Variants in WDPCP observed in about 807,000 individuals in gnomAD.
WDPCP encodes the protein WD repeat-containing and planar cell polarity effector protein fritz homolog.
A neutral mutation model predicts 93.1 loss-of-function variants in WDPCP; 71 were observed. That is an observed-to-expected ratio of 0.76 (90% CI 0.63 to 0.93). The LOEUF (loss-of-function observed/expected upper bound fraction) is 0.93, where lower values mean the gene tolerates loss of function less well. Ranked by LOEUF, WDPCP falls within the 40% of genes least tolerant of loss-of-function variation. The probability of loss-of-function intolerance (pLI) is 0.00; values close to 1 mark genes in which losing one functional copy is unlikely to be tolerated. For missense variants in WDPCP, 844 were observed against 887.4 expected, an observed-to-expected ratio of 0.95 and a Z score of 0.62; for synonymous variants, 315 against 315.0, an observed-to-expected ratio of 1.00 and a Z score of 0.00.
chr2:63,511,304 G>T (rs535322586), intron 1 of WDPCP, among the ~76,000 whole-genome samples: 2 of 152,282 alleles, frequency 1.3e-5, no homozygotes, highest in African/African-American at 4.8e-5. Flanking sequence ...TCAATATCAT[G>T]AAAATGGCCA....
chr2:63,811,388 A>G (rs935635946), intron 2 of WDPCP, among the ~76,000 whole-genome samples: 2 of 152,196 alleles, frequency 1.3e-5, no homozygotes, highest in Non-Finnish European at 2.9e-5. Context: ...TAAGCAGCCA[A>G]GTTGGAAAAG....
intron 12 of WDPCP, among the ~76,000 whole-genome samples, chr2:63,317,970 A>G (rs1559316259): frequency 6.6e-6 from 1 of 152,212 alleles, no homozygotes; most frequent in South Asian, 2.1e-4. Context: ...CTATCAAAAA[A>G]GTAAACAGAG....
chr2:63,723,880 T>G (rs1249739503), intron 2 of WDPCP, among the ~76,000 whole-genome samples: 1 of 152,214 alleles, frequency 6.6e-6, no homozygotes, highest in Non-Finnish European at 1.5e-5. Flanking sequence ...TTCTGATAAA[T>G]TTGTGTGGTA....
chr2:63,274,345 G>A (rs1040050721), intron 13 of WDPCP, among the ~76,000 whole-genome samples: 1 of 152,142 alleles, frequency 6.6e-6, no homozygotes, highest in Non-Finnish European at 1.5e-5. Context: ...AGCCAAAGCA[G>A]TGCTAAGAAG....
intron 1 of WDPCP, among the ~76,000 whole-genome samples, chr2:63,535,747 A>T (rs543337103): frequency 3.3e-5 from 5 of 152,332 alleles, no homozygotes; most frequent in Admixed American, 2.0e-4. Flanking sequence ...TAGACCTAAA[A>T]CCATAAAAGC....
chr2:63,361,588 G>T (rs1185933220), intron 12 of WDPCP, among the ~76,000 whole-genome samples: 2 of 152,190 alleles, frequency 1.3e-5, no homozygotes, highest in Non-Finnish European at 2.9e-5. Context: ...GTTAAGTCTA[G>T]TGCCATCTAA....
intron 2 of WDPCP, among the ~76,000 whole-genome samples, chr2:63,696,819 T>A (rs1668966926): frequency 6.6e-6 from 1 of 152,248 alleles, no homozygotes; most frequent in African/African-American, 2.4e-5. Context: ...AAAGTCTGAA[T>A]GGTTTCTCAG....
At chr2:63,546,419 A>G (rs937560265) in intron 1 of WDPCP, among the ~76,000 whole-genome samples, 5 of 152,188 alleles carry the variant, frequency 3.3e-5, no homozygotes, top group Non-Finnish European at 7.3e-5. Flanking sequence ...AATTCTCAAC[A>G]TAAAAGGGAA....
At chr2:63,206,232 T>C (rs1676325259) in intron 14 of WDPCP, among the ~76,000 whole-genome samples, 1 of 152,164 alleles carries the variant, frequency 6.6e-6, no homozygotes, top group Admixed American at 6.5e-5. Context: ...TGCTAGTATT[T>C]TGTTGAGGAT....
At position 63,481,941 on chromosome 2, in the gene WDPCP, T is replaced by C. The variant is rs528482518; in HGVS notation, c.384+2663A>G. 4.0e-5 allele frequency among the ~76,000 whole-genome samples: 6 copies of C among 151,274 alleles called. No homozygotes were observed. The South Asian group carries it at 1.3e-3, about 32-fold the overall frequency. On this transcript the variant is annotated intron_variant, in intron 6 of 17. Coordinates refer to ENST00000272321, the MANE Select transcript of WDPCP (RefSeq NM_015910.7). Reference sequence around the variant, plus strand: ...AAATAAAAACAGGAGAAAAAATAAGTAAACATCCTGAAAAATAAAATAAAC... The same window carrying C: ...AAATAAAAACAGGAGAAAAAATAAGCAAACATCCTGAAAAATAAAATAAAC...
intron 2 of WDPCP, among the ~76,000 whole-genome samples, chr2:63,672,196 C>T (rs2121353): frequency 0.8 from 122,004 of 152,150 alleles, 49,345 homozygotes; most frequent in East Asian, 0.98. Context: ...GAATGACACA[C>T]GGGGAGTCTT....
chr2:63,599,315 C>T (rs1456718578), intron 3 of WDPCP: 2 of 1,598,294 alleles, frequency 1.3e-6, no homozygotes, highest in South Asian at 1.1e-5. Context: ...TATTTTAAAT[C>T]TTGTGGTTGT....
chr2:63,380,876 CT>C (rs1692245557), intron 11 of WDPCP, among the ~76,000 whole-genome samples: 1 of 152,154 alleles, frequency 6.6e-6, no homozygotes, highest in Non-Finnish European at 1.5e-5. Context: ...CATGTACTTA[CT>C]AATTATTCTT....
chr2:63,294,320 A>AG (rs70965116), intron 13 of WDPCP, among the ~76,000 whole-genome samples: 152,044 of 152,060 alleles, frequency 1, 76,014 homozygotes, highest in Middle Eastern at 1. Context: ...TCTGGCCAAC[A>AG]GGGGAAACCC....
intron 13 of WDPCP, among the ~76,000 whole-genome samples, chr2:63,288,898 A>G (rs916116700): frequency 8.6e-5 from 13 of 151,738 alleles, no homozygotes; most frequent in Non-Finnish European, 1.5e-4. Context: ...ATGTCTCTCA[A>G]TGTAGGTTCA....
rs1181988099 is a variant in WDPCP at position 63,404,280 on chromosome 2, C to T, written c.1203G>A (p.Leu401=). The change falls in exon 10 of 18, where the codon TTG becomes TTA. Residue 401 remains leucine, a synonymous_variant. Transcript: ENST00000272321. ...GGGATAGAGCCATATCAAAAATTTG[C>T]AACTCCCCTTGGTTGCTGCCAACTA... is the stretch of plus-strand genomic sequence containing the variant. ...ILLVGSNQGE[L]QIFDMALSPI... is the part of the protein sequence containing the mutation. 2.5e-6 allele frequency: 4 copies of T among 1,613,994 alleles called. No homozygotes were observed. In the East Asian group the frequency reaches 8.9e-5, roughly 36 times the overall value.
chr2:63,316,482 A>C (rs1039047819), intron 12 of WDPCP, among the ~76,000 whole-genome samples: 1 of 151,700 alleles, frequency 6.6e-6, no homozygotes, highest in African/African-American at 2.4e-5. Flanking sequence ...GTAAAACCCC[A>C]CCTCTACTAA....
At chr2:63,829,874 A>G (rs570315057), upstream of WDPCP, among the ~76,000 whole-genome samples, 1 of 152,250 alleles carries the variant, frequency 6.6e-6, no homozygotes, top group East Asian at 1.9e-4. Context: ...AAGTGGTATG[A>G]ATGGACGTGT....
intron 12 of WDPCP, among the ~76,000 whole-genome samples, chr2:63,324,793 G>A (rs1687402012): frequency 6.6e-6 from 1 of 152,146 alleles, no homozygotes; most frequent in South Asian, 2.1e-4. Flanking sequence ...CATAGGGACT[G>A]GAGTCACAAA....
Sources: allele counts gnomAD v4.1 joint callset (sites outside exome capture counted in the v4.1 genomes callset), GRCh38; gene constraint gnomAD v4.1.1; transcripts MANE v1.5; gene names NCBI Gene and HGNC (gene_info 2026-07-23, HGNC 2026-07-21).